The following FSCN1 variants were observed in gnomAD, a reference collection of about 807,000 sequenced individuals.
FSCN1 encodes fascin actin-bundling protein 1.
In FSCN1, 10 loss-of-function variants were observed where a neutral mutation model predicts 39.7. The observed-to-expected ratio is 0.25, with a 90% CI of 0.16 to 0.43. The LOEUF is 0.43. FSCN1 is among the 20% of genes least tolerant of loss of function. The pLI, the probability that FSCN1 is intolerant of heterozygous loss-of-function variation, is 1.00. For synonymous variants in FSCN1, 322 were observed against 320.0 expected (o/e 1.01, Z -0.07); for missense variants, 525 against 723.8 (o/e 0.73, Z 3.15).
rs376197791 is a variant in FSCN1, at chr7:5,604,008, C to T, written c.1257C>T (p.Asn419=). Residue 419 remains asparagine, a synonymous_variant, in exon 4 of 5, where the codon AAC becomes AAT. Coordinates refer to ENST00000382361, the MANE Select transcript of FSCN1 (RefSeq NM_003088.4). ...SSYDVFQLEF[N]DGAYNIKDST... is the part of the protein sequence containing the mutation. The stretch of plus-strand genomic sequence containing the variant: ...ATGACGTCTTCCAGCTGGAGTTCAA[C>T]GATGGCGCCTACAACATCAAAGGCA... 41 of 1,613,620 alleles carry T rather than the reference C, an allele frequency of 2.5e-5. No individual in the cohort carries two copies. The African/African-American group carries it at 2.9e-4, about 12-fold the overall frequency.
intron 1 of FSCN1, among the ~76,000 whole-genome samples, chr7:5,596,969 G>C (rs1025056455): frequency 1.3e-5 from 2 of 152,186 alleles, no homozygotes; most frequent in Non-Finnish European, 2.9e-5. Context: ...GGGCATCTGG[G>C]GACCGTTAAG....
In FSCN1 at chr7:5,593,079, TG is replaced by T. The variant is rs1785661612; in HGVS notation, c.145del (p.Glu49SerfsTer30). ...CTGAAGAAGAAGCAGATCTGGACGC[TG>T]GAGCAGCCCCCTGACGAGGCGGGCA... ...SSLKKKQIWTLEQPPDEAGSA... is the reference protein window; with the variant it reads ...SSLKKKQIWTXEQPPDEAGSA... On this transcript the variant is annotated frameshift_variant, in exon 1 of 5. Coordinates refer to ENST00000382361, the MANE Select transcript of FSCN1 (RefSeq NM_003088.4). LOFTEE classifies it high-confidence loss of function. 6.2e-7 allele frequency: 1 copy of T among 1,605,822 alleles called. No homozygotes were observed. Among genetic ancestry groups the T allele is most frequent in the Non-Finnish European group, 8.5e-7 (1 of 1,177,346 alleles).
rs1300938073 is a variant in FSCN1 at position 5,603,239 on chromosome 7, A to G, written c.833-18A>G. ...GGGCGTGGGGCCCCAGTACCAGCCC[A>G]AGGCCTCCTCTCTGCAGGTATGGAC... On this transcript the variant is annotated intron_variant, in intron 1 of 4. Transcript: ENST00000382361. The surrounding 1 kb of genome is among the most constrained non-coding windows in gnomAD (Gnocchi z 8.5). 2 of 1,611,328 alleles carry G rather than the reference A, an allele frequency of 1.2e-6. No individual in the cohort carries two copies. The highest frequency in any genetic ancestry group is 1.1e-5 in the South Asian group (1 of 91,004).
chr7:5,598,016 G>A lies in FSCN1; in HGVS notation c.832+4248G>A, dbSNP rs3801002. 3.4e-3 allele frequency among the ~76,000 whole-genome samples: 521 copies of A among 152,312 alleles called. 5 individuals are homozygous for A. In the East Asian group the frequency reaches 0.052, roughly 15 times the overall value. ...CTAATTAGAGACTCCAAGGCCAAGC[G>A]AGGGCCTTGGAGCCAGGAGGGGCCC... On this transcript the variant is annotated intron_variant, in intron 1 of 4. Coordinates refer to ENST00000382361, the MANE Select transcript of FSCN1 (RefSeq NM_003088.4).
rs542614679 is a variant in FSCN1 at position 5,599,096 on chromosome 7, G to T, written c.833-4161G>T. 2.1e-5 allele frequency among the ~76,000 whole-genome samples: 3 copies of T among 140,024 alleles called. No homozygotes were observed. In the East Asian group the frequency reaches 6.5e-4, roughly 30 times the overall value. 91.9% of individuals were successfully genotyped at this position (140,024 alleles called of 152,430 possible). Reference sequence around the variant, plus strand: ...GGCCCCAGCCCTCGTGTTCCCTGGGGTGTGGCCTTAGGATGGTCCCGGCAC... The same window carrying T: ...GGCCCCAGCCCTCGTGTTCCCTGGGTTGTGGCCTTAGGATGGTCCCGGCAC... On this transcript the variant is annotated intron_variant, in intron 1 of 4. Transcript: ENST00000382361. The surrounding 1 kb of genome is among the most constrained non-coding windows in gnomAD (Gnocchi z 5.6).
chr7:5,595,896 C>G (rs1347997998), intron 1 of FSCN1, among the ~76,000 whole-genome samples: 1 of 152,138 alleles, frequency 6.6e-6, no homozygotes, highest in Non-Finnish European at 1.5e-5. Context: ...GCAGATAACT[C>G]CCCTCTCCTG....
chr7:5,599,174 G>T lies in FSCN1; in HGVS notation c.833-4083G>T, dbSNP rs187469683. Among the ~76,000 whole-genome samples, 1 of 152,294 alleles carries T rather than the reference G, an allele frequency of 6.6e-6. No individual in the cohort carries two copies. Among genetic ancestry groups the T allele is most frequent in the Non-Finnish European group, 1.5e-5 (1 of 68,000 alleles). On this transcript the variant is annotated intron_variant, in intron 1 of 4. Transcript: ENST00000382361. This position sits in a 1 kb window ranked among gnomAD's most constrained non-coding sequence, Gnocchi z 5.6. ...TCCTCCTCCCGTGCTTGGCTGGGGT[G>T]TGGTGGCTGAGCCAGCCCACCCAGT...
chr7:5,601,041 G>A lies in FSCN1; in HGVS notation c.833-2216G>A, dbSNP rs1007051680. On this transcript the variant is annotated intron_variant, in intron 1 of 4. Transcript: ENST00000382361. ...CCTGACCTCATGATCCGCCCGCCTCGGCCTCCCAAAGTGCTGGGATTACAG... is the reference window on the plus strand; with the variant it reads ...CCTGACCTCATGATCCGCCCGCCTCAGCCTCCCAAAGTGCTGGGATTACAG... 2.1e-4 allele frequency among the ~76,000 whole-genome samples: 31 copies of A among 150,060 alleles called. No individual in the cohort carries two copies. In the East Asian group the frequency reaches 3.6e-3, roughly 17 times the overall value.
intron 1 of FSCN1, among the ~76,000 whole-genome samples, chr7:5,602,335 C>T (rs755693448): frequency 3.0e-4 from 46 of 151,938 alleles, no homozygotes; most frequent in Non-Finnish European, 5.3e-4. Context: ...CCACCGCACC[C>T]GGCCCTTTTA....
chr7:5,601,777 C>A (rs1198629695), intron 1 of FSCN1, among the ~76,000 whole-genome samples: 3 of 152,012 alleles, frequency 2.0e-5, no homozygotes, highest in African/African-American at 7.2e-5. Flanking sequence ...GAAGTCGAGG[C>A]TACAGTGAGC....
At chr7:5,593,831 C>A (rs1022031398) in intron 1 of FSCN1, 63 bp downstream of exon 1, 15 of 1,104,892 alleles carry the variant, frequency 1.4e-5, no homozygotes, top group Non-Finnish European at 1.9e-5. Context: ...CACCCGCGCC[C>A]CTCCAGCCTC....
chr7:5,600,429 C>T (rs1343862949), intron 1 of FSCN1, among the ~76,000 whole-genome samples: 1 of 152,090 alleles, frequency 6.6e-6, no homozygotes, highest in Non-Finnish European at 1.5e-5. Flanking sequence ...AAAAGAATAG[C>T]AGCTTTGCTA....
chr7:5,598,293 G>A (rs1011041600), intron 1 of FSCN1, among the ~76,000 whole-genome samples: 3 of 152,246 alleles, frequency 2.0e-5, no homozygotes, highest in South Asian at 2.1e-4. Context: ...AGGATTGAAC[G>A]CAACAGGCTG....
At chr7:5,598,866 G>C (rs958984785) in intron 1 of FSCN1, among the ~76,000 whole-genome samples, 1 of 152,234 alleles carries the variant, frequency 6.6e-6, no homozygotes, top group African/African-American at 2.4e-5. Flanking sequence ...CTCTGTGGCC[G>C]GCACAGGCCA....
At position 5,604,020 on chromosome 7, in the gene FSCN1, C is replaced by T. The variant is rs1479477180; in HGVS notation, c.1269C>T (p.Tyr423=). ...AGCTGGAGTTCAACGATGGCGCCTA[C>T]AACATCAAAGGCAGGTTCTCCTGTG... ...VFQLEFNDGA[Y]NIKDSTGKYW... is the part of the protein sequence containing the mutation. The change falls in exon 4 of 5, where the codon TAC becomes TAT. Residue 423 remains tyrosine (Y), a synonymous_variant. Coordinates refer to ENST00000382361, the MANE Select transcript of FSCN1 (RefSeq NM_003088.4). 1 of 1,613,486 alleles carries T rather than the reference C, an allele frequency of 6.2e-7. No individual in the cohort carries two copies. Among genetic ancestry groups the T allele is most frequent in the Non-Finnish European group, 8.5e-7 (1 of 1,179,930 alleles).
At position 5,602,450 on chromosome 7, in the gene FSCN1, C is replaced by T. The variant is rs190847356; in HGVS notation, c.833-807C>T. Among the ~76,000 whole-genome samples, 25 of 152,118 alleles carry T rather than the reference C, an allele frequency of 1.6e-4. No individual in the cohort carries two copies. The East Asian group carries it at 2.9e-3, about 18-fold the overall frequency. On this transcript the variant is annotated intron_variant, in intron 1 of 4. Transcript: ENST00000382361. ...CCCCCAGACACGGCCCCCCAAGATG[C>T]GCTGTTCCGCTGTGCTGCAGCCCCA...
chr7:5,597,988 G>C (rs1194318869), intron 1 of FSCN1, among the ~76,000 whole-genome samples: 2 of 151,494 alleles, frequency 1.3e-5, no homozygotes, highest in Admixed American at 1.3e-4. Context: ...TAGTAACACA[G>C]CTCTAATTAG....
intron 4 of FSCN1, among the ~76,000 whole-genome samples, chr7:5,604,309 G>C (rs942213232): frequency 2.0e-5 from 3 of 151,740 alleles, no homozygotes; most frequent in African/African-American, 7.3e-5. Flanking sequence ...GGGAAGGGGA[G>C]GGAGGAGAGC....
At chr7:5,602,416 T>C (rs549460677) in intron 1 of FSCN1, among the ~76,000 whole-genome samples, 91 of 152,102 alleles carry the variant, frequency 6.0e-4, no homozygotes, top group African/African-American at 2.1e-3. Context: ...GCAGGAACAA[T>C]AGCATGAACC....
Sources: allele counts gnomAD v4.1 joint callset (sites outside exome capture counted in the v4.1 genomes callset), GRCh38; gene constraint gnomAD v4.1.1; non-coding constraint Gnocchi (gnomAD v3.1); transcripts MANE v1.5; gene names NCBI Gene and HGNC (gene_info 2026-07-23, HGNC 2026-07-21).